SLC35B3: variants seen among roughly 807,000 people sequenced by gnomAD.
SLC35B3 encodes adenosine 3'-phospho 5'-phosphosulfate transporter 2.
In SLC35B3, 35 loss-of-function variants were observed where a neutral mutation model predicts 44.1. The ratio of observed to expected loss-of-function variants is 0.79; its 90% CI spans 0.61 to 1.05. The LOEUF is 1.05. SLC35B3 is among the 50% of genes least tolerant of loss of function. The pLI, the probability that SLC35B3 is intolerant of heterozygous loss-of-function variation, is 0.00. For synonymous variants in SLC35B3, 146 were observed against 167.3 expected (o/e 0.87, Z 0.98); for missense variants, 414 against 476.4 (o/e 0.87, Z 1.22).
chr6:8,423,477 A>C (rs1405128815), intron 4 of SLC35B3, among the ~76,000 whole-genome samples: 1 of 152,198 alleles, frequency 6.6e-6, no homozygotes, highest in African/African-American at 2.4e-5. Flanking sequence ...GGAGATTCTT[A>C]ATTTAGCATC....
Position 8,427,942 on chromosome 6 carries a change from C to G in SLC35B3, c.414G>C (p.Arg138Ser). 6.2e-7 allele frequency: 1 copy of G among 1,610,890 alleles called. No homozygotes were observed. The highest frequency in any genetic ancestry group is 1.1e-5 in the South Asian group (1 of 90,526). ...AATAAAAACAAACCACATACCTCCT[C>G]CTTTTGTCCTGAATAAGCTGAAGTT... Residue 138 changes from arginine to serine, a missense_variant, in exon 4 of 11, where the codon AGG (arginine) becomes AGC (serine). Physicochemically the swap from Arg to Ser is moderately radical, Grantham distance 110 (BLOSUM62 -1). Transcript: ENST00000644923.
At position 8,415,127 on chromosome 6, in the gene SLC35B3, A is replaced by C. The variant is rs759366436; in HGVS notation, c.986-150T>G. 6.7e-4 allele frequency: 332 copies of C among 498,368 alleles called. 1 individual carries two copies. The highest frequency in any genetic ancestry group is 3.5e-3 in the Middle Eastern group (10 of 2,826). The allele number at this position is 498,368 out of a possible 1,614,324, so 30.9% of individuals were successfully genotyped here. On this transcript the variant is annotated intron_variant, in intron 9 of 10. Transcript: ENST00000644923. ...TGGAAAGTAGAAACCAACCAACCAA[A>C]CACACGCACAAAAGTCACTGTTCCC...
rs202064624 is a variant in SLC35B3, at chr6:8,428,082, G to C, written c.298-24C>G. Reference sequence around the variant, plus strand: ...TCCTGTCAAAAGACACATGAACACTGTTAAGTCCAAGGCAGCACACTAATT... The same window carrying C: ...TCCTGTCAAAAGACACATGAACACTCTTAAGTCCAAGGCAGCACACTAATT... On this transcript the variant is annotated intron_variant, in intron 3 of 10. Transcript: ENST00000644923. 9.8e-6 allele frequency: 15 copies of C among 1,531,290 alleles called. No individual in the cohort carries two copies. The South Asian group carries it at 1.8e-4, about 18-fold the overall frequency. The allele number at this position is 1,531,290 out of a possible 1,614,324, so 94.9% of individuals were successfully genotyped here. A position where few individuals can be genotyped will look rare whatever the true frequency, so the allele number is the denominator to read the frequency against.
At chr6:8,429,275 T>C (rs1374115660) in intron 3 of SLC35B3, among the ~76,000 whole-genome samples, 2 of 151,268 alleles carry the variant, frequency 1.3e-5, no homozygotes, top group African/African-American at 4.9e-5. Flanking sequence ...ATATAACTTT[T>C]CCAAATATAA....
At position 8,435,374 on chromosome 6, in the gene SLC35B3, C is replaced by A; in HGVS notation, c.-75G>T. 1 of 1,288,858 alleles carries A rather than the reference C, an allele frequency of 7.8e-7. No homozygotes were observed. The highest frequency in any genetic ancestry group is 1.0e-6 in the Non-Finnish European group (1 of 988,832). 79.8% of individuals were successfully genotyped at this position (1,288,858 alleles called of 1,614,324 possible). Reference sequence around the variant, plus strand: ...GCCGGTATGTCACCCGGAAGGGTGACGGCAGCCTGCGTGGCGTCTGAGCTA... The same window carrying A: ...GCCGGTATGTCACCCGGAAGGGTGAAGGCAGCCTGCGTGGCGTCTGAGCTA... On this transcript the variant is annotated 5_prime_UTR_variant, in exon 1 of 11. Coordinates refer to ENST00000644923, the MANE Select transcript of SLC35B3 (RefSeq NM_001370476.2). This position sits in a 1 kb window ranked among gnomAD's most constrained non-coding sequence, Gnocchi z 5.5.
At chr6:8,427,853 G>T in intron 4 of SLC35B3, 84 bp downstream of exon 3, 1 of 1,191,128 alleles carries the variant, frequency 8.4e-7, no homozygotes, top group Non-Finnish European at 1.2e-6. Flanking sequence ...TTTGTTAATA[G>T]AAGTATAAAT....
intron 2 of SLC35B3, among the ~76,000 whole-genome samples, chr6:8,431,875 ACT>A (rs1448553833): frequency 6.6e-6 from 1 of 152,006 alleles, no homozygotes; most frequent in Admixed American, 6.6e-5. Flanking sequence ...CTCTCCCTCC[ACT>A]CTCAATAAAG....
chr6:8,422,676 TAA>T (rs1581247527), intron 4 of SLC35B3, 52 bp from the exon 4 acceptor site: 1 of 1,382,632 alleles, frequency 7.2e-7, no homozygotes, highest in East Asian at 2.3e-5. Context: ...TTCATACTAC[TAA>T]AAGATAATGT....
chr6:8,417,340 G>T, intron 8 of SLC35B3, 62 bp downstream of exon 7: 1 of 1,039,756 alleles, frequency 9.6e-7, no homozygotes, highest in South Asian at 1.4e-5. Flanking sequence ...CAAGGGAAAT[G>T]AGAAATTTAG....
rs558975652 is a variant in SLC35B3 at position 8,413,402 on chromosome 6, G to C, written c.*147C>G. 3.2e-6 allele frequency: 2 copies of C among 634,666 alleles called. No individual in the cohort carries two copies. The highest frequency in any genetic ancestry group is 5.0e-5 in the South Asian group (2 of 39,678). The allele number at this position is 634,666 out of a possible 1,614,324, so 39.3% of individuals were successfully genotyped here. On this transcript the variant is annotated 3_prime_UTR_variant, in exon 11 of 11. Coordinates refer to ENST00000644923, the MANE Select transcript of SLC35B3 (RefSeq NM_001370476.2). Reference sequence around the variant, plus strand: ...AAACAAATGCTCTGAAGAAAAGGCTGACACCGCAAAACAACTTCATATGAA... The same window carrying C: ...AAACAAATGCTCTGAAGAAAAGGCTCACACCGCAAAACAACTTCATATGAA...
intron 2 of SLC35B3, among the ~76,000 whole-genome samples, chr6:8,431,813 GAT>G: frequency 6.6e-6 from 1 of 152,248 alleles, no homozygotes; most frequent in East Asian, 1.9e-4. Context: ...TGTGAGCATG[GAT>G]ATAGTGCACC....
At chr6:8,423,137 G>A (rs1479713623) in intron 4 of SLC35B3, among the ~76,000 whole-genome samples, 5 of 152,198 alleles carry the variant, frequency 3.3e-5, no homozygotes, top group Non-Finnish European at 5.9e-5. Context: ...ACAGGTGTGC[G>A]CCACCATGCC....
chr6:8,419,916 T>C lies in SLC35B3; in HGVS notation c.683-239A>G, dbSNP rs1475451053. 1.3e-5 allele frequency among the ~76,000 whole-genome samples: 2 copies of C among 152,132 alleles called. No individual in the cohort carries two copies. The highest frequency in any genetic ancestry group is 4.8e-5 in the African/African-American group (2 of 41,450). On this transcript the variant is annotated intron_variant, in intron 6 of 10. Coordinates refer to ENST00000644923, the MANE Select transcript of SLC35B3 (RefSeq NM_001370476.2). The surrounding 1 kb of genome is among the most constrained non-coding windows in gnomAD (Gnocchi z 4.3). ...AGTTCTGTACATATCACATTTCACA[T>C]TTCAATAGCGTATTAAATAACAGTT...
intron 8 of SLC35B3, 96 bp downstream of exon 7, chr6:8,417,306 A>AT: frequency 5.4e-6 from 4 of 735,750 alleles, no homozygotes; most frequent in Non-Finnish European, 9.2e-6. Flanking sequence ...AGGTATCATT[A>AT]TATCTATGAT....
intron 3 of SLC35B3, 93 bp downstream of exon 2, chr6:8,429,771 C>A: frequency 1.1e-6 from 1 of 895,166 alleles, no homozygotes. Flanking sequence ...CCAGTATCCC[C>A]TAAGTGACTA....
At position 8,412,785 on chromosome 6, in the gene SLC35B3, G is replaced by A. The variant is rs535802223; in HGVS notation, c.*764C>T. Reference sequence around the variant, plus strand: ...TACAACCCAAACCCCTTGCATATGCGGTTCATAACAGGGTTCCCGCTGCTA... The same window carrying A: ...TACAACCCAAACCCCTTGCATATGCAGTTCATAACAGGGTTCCCGCTGCTA... On this transcript the variant is annotated 3_prime_UTR_variant, in exon 11 of 11. Coordinates refer to ENST00000644923, the MANE Select transcript of SLC35B3 (RefSeq NM_001370476.2). Among the ~76,000 whole-genome samples, 9 of 152,214 alleles carry A rather than the reference G, an allele frequency of 5.9e-5. No homozygotes were observed. In the South Asian group the frequency reaches 1.7e-3, roughly 28 times the overall value.
chr6:8,430,688 T>G (rs1763888208), intron 2 of SLC35B3, among the ~76,000 whole-genome samples: 1 of 151,932 alleles, frequency 6.6e-6, no homozygotes, highest in African/African-American at 2.4e-5. Context: ...AAGACCAGCC[T>G]GGGCAACATA....
chr6:8,421,472 GACAAC>G lies in SLC35B3; in HGVS notation c.575-649_575-645del, dbSNP rs370813832. Among the ~76,000 whole-genome samples, 1,412 of 152,198 alleles carry G rather than the reference GACAAC, an allele frequency of 9.3e-3. 21 individuals carry two copies. Among genetic ancestry groups the G allele is most frequent in the African/African-American group, 0.032 (1,315 of 41,522 alleles). ...TCCTGAAATGATACGTGAAGTAGTT[GACAAC>G]ACTTTCATTTTTAAAGGCTTATTCT... On this transcript the variant is annotated intron_variant, in intron 5 of 10. Transcript: ENST00000644923.
intron 2 of SLC35B3, among the ~76,000 whole-genome samples, chr6:8,431,681 G>T (rs976638681): frequency 6.6e-6 from 1 of 152,082 alleles, no homozygotes; most frequent in African/African-American, 2.4e-5. Context: ...ATCTTGCAGG[G>T]TATCTTTGAG....
Sources: allele counts gnomAD v4.1 joint callset (sites outside exome capture counted in the v4.1 genomes callset), GRCh38; gene constraint gnomAD v4.1.1; non-coding constraint Gnocchi (gnomAD v3.1); transcripts MANE v1.5; gene names NCBI Gene and HGNC (gene_info 2026-07-23, HGNC 2026-07-21).